SLC6A4: variants seen among roughly 807,000 people sequenced by gnomAD.
SLC6A4 encodes sodium-dependent serotonin transporter.
In SLC6A4, 22 loss-of-function variants were observed where a neutral mutation model predicts 73.4. That is an observed-to-expected ratio of 0.30 (90% CI 0.21 to 0.43). The LOEUF (loss-of-function observed/expected upper bound fraction) is 0.43. Ranked by LOEUF, SLC6A4 falls within the 20% of genes least tolerant of loss-of-function variation. The pLI is 1.00. For synonymous variants in SLC6A4, 270 were observed against 315.5 expected, an observed-to-expected ratio of 0.86 and a Z score of 1.53; for missense variants, 593 against 808.5, an observed-to-expected ratio of 0.73 and a Z score of 3.23.
chr17:30,208,644 T>C (rs1045945372), intron 12 of SLC6A4, among the ~76,000 whole-genome samples: 1 of 152,158 alleles, frequency 6.6e-6, no homozygotes, highest in Non-Finnish European at 1.5e-5. Context: ...TCCTTGATAA[T>C]ATGTGTAACA....
Position 30,217,184 on chromosome 17 carries a change from G to A in SLC6A4, c.819C>T (p.Gly273=), listed in dbSNP as rs200745147. 8 of 1,613,830 alleles carry A rather than the reference G, an allele frequency of 5.0e-6. No individual in the cohort carries two copies. The highest frequency in any genetic ancestry group is 1.7e-5 in the Admixed American group (1 of 59,986). ...FTVIYFSIWK[G]VKTSGKVVWV... ...TCCTCACCTTGCCAGAGGTCTTGAC[G>A]CCTTTCCAGATGCTGAAGTAGATAA... Residue 273 remains glycine, a synonymous_variant, in exon 6 of 15, where the codon GGC becomes GGT. Coordinates refer to ENST00000650711, the MANE Select transcript of SLC6A4 (RefSeq NM_001045.6).
chr17:30,194,823 C>T lies in SLC6A4; in HGVS notation c.*3633G>A, dbSNP rs1412716902. 6.6e-6 allele frequency: 1 copy of T among 152,196 alleles called. No individual in the cohort carries two copies. Among genetic ancestry groups the T allele is most frequent in the Non-Finnish European group, 1.5e-5 (1 of 68,030 alleles). The allele number at this position is 152,196 out of a possible 1,614,324, so 9.4% of individuals were successfully genotyped here. A position where few individuals can be genotyped will look rare whatever the true frequency, so the allele number is the denominator to read the frequency against. On this transcript the variant is annotated 3_prime_UTR_variant, in exon 15 of 15. Coordinates refer to ENST00000650711, the MANE Select transcript of SLC6A4 (RefSeq NM_001045.6). ...CTACTATAATTGGAGTCTTCAGTTA[C>T]AGAATTGAAGGACTGATGCCATCTA...
intron 13 of SLC6A4, 52 bp from the exon 14 acceptor site, chr17:30,203,391 A>C (rs748327184): frequency 6.7e-7 from 1 of 1,484,868 alleles, no homozygotes; most frequent in East Asian, 2.3e-5. Context: ...ATCCACTCAG[A>C]TAGAGATGTT....
At position 30,195,498 on chromosome 17, in the gene SLC6A4, T is replaced by C. The variant is rs1905826770; in HGVS notation, c.*2958A>G. The C allele has an allele frequency of 6.6e-6, 1 of 152,202 alleles. No homozygotes were observed. Among genetic ancestry groups the C allele is most frequent in the South Asian group, 2.1e-4 (1 of 4,830 alleles). 9.4% of individuals were successfully genotyped at this position (152,202 alleles called of 1,614,324 possible). A position where few individuals can be genotyped will look rare whatever the true frequency, so the allele number is the denominator to read the frequency against. On this transcript the variant is annotated 3_prime_UTR_variant, in exon 15 of 15. Coordinates refer to ENST00000650711, the MANE Select transcript of SLC6A4 (RefSeq NM_001045.6). ...CTGGTCTCGAACTCCTGACCTCAAG[T>C]GATCCGCCCACCTTGGCCTCCCAAA...
intron 1 of SLC6A4, among the ~76,000 whole-genome samples, chr17:30,230,098 G>A (rs74865172): frequency 0.18 from 15,806 of 86,246 alleles, 1,309 homozygotes; most frequent in African/African-American, 0.24. Context: ...AAGAAGAAGA[G>A]GAGGAAGAGG....
Position 30,202,899 on chromosome 17 carries a change from A to C in SLC6A4, c.1818+273T>G, listed in dbSNP as rs56190338. Among the ~76,000 whole-genome samples the C allele has an allele frequency of 5.7e-3, 866 of 152,338 alleles. 11 individuals are homozygous for C. The highest frequency in any genetic ancestry group is 0.02 in the African/African-American group (818 of 41,574). On this transcript the variant is annotated intron_variant, in intron 14 of 14. Coordinates refer to ENST00000650711, the MANE Select transcript of SLC6A4 (RefSeq NM_001045.6). ...CAGGAGGCAGGGTAGTTGTCTGATAAGTTTGAAAACCTATGCACAGCCCAA... is the reference window on the plus strand; with the variant it reads ...CAGGAGGCAGGGTAGTTGTCTGATACGTTTGAAAACCTATGCACAGCCCAA...
chr17:30,209,019 C>A (rs901264643), intron 12 of SLC6A4, 124 bp downstream of exon 12: 4 of 639,736 alleles, frequency 6.3e-6, no homozygotes, highest in Non-Finnish European at 1.1e-5. Flanking sequence ...TTTTACAGAC[C>A]CATCATCGGG....
rs924812942 is a variant in SLC6A4 at position 30,230,109 on chromosome 17, A to G, written c.-221+5504T>C. On this transcript the variant is annotated intron_variant, in intron 1 of 14. Transcript: ENST00000650711. Reference sequence around the variant, plus strand: ...GAAGAAGAAGAAGAGGAGGAAGAGGAAGAGGAAGAGGAAGAGGAGGAGGAG... The same window carrying G: ...GAAGAAGAAGAAGAGGAGGAAGAGGGAGAGGAAGAGGAAGAGGAGGAGGAG... Among the ~76,000 whole-genome samples, 8 of 138,078 alleles carry G rather than the reference A, an allele frequency of 5.8e-5. 1 individual carries two copies. The highest frequency in any genetic ancestry group is 9.2e-5 in the Non-Finnish European group (6 of 65,412). 90.6% of individuals were successfully genotyped at this position (138,078 alleles called of 152,430 possible).
Position 30,222,867 on chromosome 17 carries a change from T to C in SLC6A4, c.-172A>G, listed in dbSNP as rs1437691804. ...CAGCAACTCCTGTGGCTAAGCCCCT[T>C]GTTATTCTGCAAGAGAGGGCAAGCA... is the stretch of plus-strand genomic sequence containing the variant. On this transcript the variant is annotated 5_prime_UTR_variant, in exon 2 of 15. Coordinates refer to ENST00000650711, the MANE Select transcript of SLC6A4 (RefSeq NM_001045.6). The C allele has an allele frequency of 7.7e-7, 1 of 1,303,894 alleles. No homozygotes were observed. 80.8% of individuals were successfully genotyped at this position (1,303,894 alleles called of 1,614,324 possible).
Position 30,235,384 on chromosome 17 carries a change from G to A in SLC6A4, c.-221+229C>T, listed in dbSNP as rs1907238426. Among the ~76,000 whole-genome samples, 1 of 152,142 alleles carries A rather than the reference G, an allele frequency of 6.6e-6. No homozygotes were observed. Among genetic ancestry groups the A allele is most frequent in the Non-Finnish European group, 1.5e-5 (1 of 68,024 alleles). On this transcript the variant is annotated intron_variant, in intron 1 of 14. Transcript: ENST00000650711. This position sits in a 1 kb window ranked among gnomAD's most constrained non-coding sequence, Gnocchi z 4.5. ...GGAGCCCCCTACGCCCGCCCACTTC[G>A]AGCACTCCACGTTCCTCGTCTCCCA...
chr17:30,210,774 G>T, intron 10 of SLC6A4, 128 bp from the exon 11 acceptor site: 1 of 974,050 alleles, frequency 1.0e-6, no homozygotes, highest in Non-Finnish European at 1.5e-6. Flanking sequence ...CAGTTCCCCG[G>T]CTCGCTGGAC....
chr17:30,202,525 T>A (rs1487335797), intron 14 of SLC6A4, among the ~76,000 whole-genome samples: 1 of 152,208 alleles, frequency 6.6e-6, no homozygotes, highest in Non-Finnish European at 1.5e-5. Context: ...GATAACAGAA[T>A]AGGATAATCG....
chr17:30,226,899 A>G (rs183248010), intron 1 of SLC6A4, among the ~76,000 whole-genome samples: 9 of 150,190 alleles, frequency 6.0e-5, no homozygotes, highest in Admixed American at 4.6e-4. Context: ...GAAAGAAAAA[A>G]GAAACAAGGC....
At chr17:30,210,893 T>C (rs1597636827) in intron 10 of SLC6A4, among the ~76,000 whole-genome samples, 2 of 152,104 alleles carry the variant, frequency 1.3e-5, no homozygotes, top group South Asian at 2.1e-4. Context: ...CTTCAATATA[T>C]GAGGTCTCTC....
intron 3 of SLC6A4, 104 bp from the exon 4 acceptor site, chr17:30,219,035 A>G: frequency 7.0e-7 from 1 of 1,422,586 alleles, no homozygotes; most frequent in Non-Finnish European, 9.8e-7. Context: ...TGTGAGTGTC[A>G]GGAGCCACCC....
intron 14 of SLC6A4, among the ~76,000 whole-genome samples, chr17:30,201,283 T>C (rs574568571): frequency 2.0e-5 from 3 of 152,270 alleles, no homozygotes; most frequent in African/African-American, 7.2e-5. Context: ...ACTAGGGCCT[T>C]TTCCATGGTC....
In SLC6A4 at chr17:30,213,733, A is replaced by G; in HGVS notation, c.1077-866T>C. Among the ~76,000 whole-genome samples, 2 of 83,960 alleles carry G rather than the reference A, an allele frequency of 2.4e-5. 1 individual carries two copies. The highest frequency in any genetic ancestry group is 0.01 in the Middle Eastern group (2 of 196). 55.1% of individuals were successfully genotyped at this position (83,960 alleles called of 152,430 possible). Reference sequence around the variant, plus strand: ...AAATTAAGTCTAAAGATGATGGGTGACATTTATTTATTTATTTATTTATTT... The same window carrying G: ...AAATTAAGTCTAAAGATGATGGGTGGCATTTATTTATTTATTTATTTATTT... On this transcript the variant is annotated intron_variant, in intron 8 of 14. Coordinates refer to ENST00000650711, the MANE Select transcript of SLC6A4 (RefSeq NM_001045.6).
In SLC6A4 at chr17:30,196,568, T is replaced by C. The variant is rs199651686; in HGVS notation, c.*1888A>G. 1 of 152,366 alleles carries C rather than the reference T, an allele frequency of 6.6e-6. No individual in the cohort carries two copies. Among genetic ancestry groups the C allele is most frequent in the East Asian group, 1.9e-4 (1 of 5,340 alleles). 9.4% of individuals were successfully genotyped at this position (152,366 alleles called of 1,614,324 possible). A position where few individuals can be genotyped will look rare whatever the true frequency, so the allele number is the denominator to read the frequency against. On this transcript the variant is annotated 3_prime_UTR_variant, in exon 15 of 15. Coordinates refer to ENST00000650711, the MANE Select transcript of SLC6A4 (RefSeq NM_001045.6). Reference sequence around the variant, plus strand: ...AGCAAGTTCTTAAAATTTGCAAAGCTATTAGGTTAGTGCAAAAGTAATCAT... The same window carrying C: ...AGCAAGTTCTTAAAATTTGCAAAGCCATTAGGTTAGTGCAAAAGTAATCAT...
chr17:30,219,256 C>A (rs180893737), intron 3 of SLC6A4, among the ~76,000 whole-genome samples: 1 of 152,284 alleles, frequency 6.6e-6, no homozygotes, highest in East Asian at 1.9e-4. Context: ...CTCTGAGCCC[C>A]AATTTCCTCC....
Sources: gnomAD v4.1 joint callset for allele counts (sites outside exome capture counted in the v4.1 genomes callset) on GRCh38, gnomAD v4.1.1 for gene constraint, Gnocchi (gnomAD v3.1) non-coding constraint, MANE v1.5 for transcripts, NCBI Gene and HGNC (gene_info 2026-07-23, HGNC 2026-07-21) for gene names.